The following PKP4 variants were observed in gnomAD, a reference collection of about 807,000 sequenced individuals.
The protein encoded by PKP4 is plakophilin 4, also known as plakophilin-4.
Under a neutral mutation model 145.1 loss-of-function variants are expected in PKP4, and 90 were observed. The ratio of observed to expected loss-of-function variants is 0.62; its 90% CI spans 0.52 to 0.74. The LOEUF (loss-of-function observed/expected upper bound fraction) is 0.74. Ranked by LOEUF, PKP4 falls within the 30% of genes least tolerant of loss-of-function variation. The probability of loss-of-function intolerance (pLI) is 0.00; values close to 1 mark genes in which losing one functional copy is unlikely to be tolerated. For synonymous variants in PKP4, 563 were observed against 577.2 expected (o/e 0.98, Z 0.35); for missense variants, 1,340 against 1,482.7 (o/e 0.90, Z 1.58).
chr2:158,473,587 A>G (rs1691954105), intron 1 of PKP4, among the ~76,000 whole-genome samples: 1 of 152,154 alleles, frequency 6.6e-6, no homozygotes, highest in South Asian at 2.1e-4. Context: ...ATTCTCACTT[A>G]TAAGTGGGAG....
At chr2:158,530,817 G>C (rs2043468992) in intron 1 of PKP4, among the ~76,000 whole-genome samples, 1 of 152,042 alleles carries the variant, frequency 6.6e-6, no homozygotes, top group Admixed American at 6.6e-5. Flanking sequence ...CCTGTGGTGT[G>C]TCCTAACCTT....
chr2:158,544,914 T>C (rs1330252549), intron 2 of PKP4, among the ~76,000 whole-genome samples: 5 of 152,108 alleles, frequency 3.3e-5, no homozygotes, highest in Admixed American at 2.6e-4. Flanking sequence ...AAGTCCCCTG[T>C]CCCACCTAGA....
intron 1 of PKP4, among the ~76,000 whole-genome samples, chr2:158,502,559 T>C (rs1178711846): frequency 6.6e-6 from 1 of 152,214 alleles, no homozygotes; most frequent in Non-Finnish European, 1.5e-5. Context: ...CCTCACCTTC[T>C]TCCCGGTCCC....
At chr2:158,512,688 G>T (rs2041620349) in intron 1 of PKP4, among the ~76,000 whole-genome samples, 1 of 152,076 alleles carries the variant, frequency 6.6e-6, no homozygotes, top group Non-Finnish European at 1.5e-5. Flanking sequence ...TTTTTGAATT[G>T]GAATAATCAG....
At chr2:158,547,062 G>C (rs561925425) in intron 2 of PKP4, among the ~76,000 whole-genome samples, 214 of 152,080 alleles carry the variant, frequency 1.4e-3, no homozygotes, top group Non-Finnish European at 2.5e-3. Flanking sequence ...TACATTTTTG[G>C]GCCATGGGGG....
chr2:158,483,258 A>G (rs963992360), intron 1 of PKP4, among the ~76,000 whole-genome samples: 6 of 151,916 alleles, frequency 3.9e-5, no homozygotes, highest in African/African-American at 1.2e-4. Flanking sequence ...TTCATTGTTA[A>G]TGCATTTTAT....
At chr2:158,552,090 A>C (rs779683969) in intron 2 of PKP4, among the ~76,000 whole-genome samples, 12 of 152,248 alleles carry the variant, frequency 7.9e-5, no homozygotes, top group Non-Finnish European at 1.3e-4. Context: ...AAATGCCATC[A>C]CAAGTATCTG....
At chr2:158,599,695 G>A (rs759460137) in intron 3 of PKP4, among the ~76,000 whole-genome samples, 10 of 152,080 alleles carry the variant, frequency 6.6e-5, no homozygotes, top group Non-Finnish European at 1.2e-4. Context: ...AACTTTTTAG[G>A]AGCTATTGGA....
At chr2:158,527,010 TCC>T (rs2043014508) in intron 1 of PKP4, among the ~76,000 whole-genome samples, 1 of 123,802 alleles carries the variant, frequency 8.1e-6, no homozygotes, top group Non-Finnish European at 1.7e-5. Context: ...GGAAGAACAT[TCC>T]ATGCTCGTGG....
intron 1 of PKP4, among the ~76,000 whole-genome samples, chr2:158,469,751 C>G (rs1691258297): frequency 6.6e-6 from 1 of 152,182 alleles, no homozygotes; most frequent in African/African-American, 2.4e-5. Context: ...CAGTAACATT[C>G]ATTTTTAATA....
intron 1 of PKP4, among the ~76,000 whole-genome samples, chr2:158,501,771 A>G (rs1696616992): frequency 7.4e-6 from 1 of 134,232 alleles, no homozygotes; most frequent in Non-Finnish European, 1.7e-5. Flanking sequence ...GCCTATTTTG[A>G]TTCACTCTTA....
At chr2:158,670,085 G>T (rs1051178522) in intron 17 of PKP4, among the ~76,000 whole-genome samples, 170 bp downstream of exon 17, 6 of 152,230 alleles carry the variant, frequency 3.9e-5, no homozygotes, top group Non-Finnish European at 7.3e-5. Context: ...GCTGGGAGAA[G>T]TGTTTTCTGT....
chr2:158,565,671 A>G (rs2046914752), intron 2 of PKP4, among the ~76,000 whole-genome samples: 1 of 152,214 alleles, frequency 6.6e-6, no homozygotes, highest in Non-Finnish European at 1.5e-5. Flanking sequence ...GCACTTGTGG[A>G]CCCAAAGACT....
intron 2 of PKP4, among the ~76,000 whole-genome samples, chr2:158,558,459 G>A (rs2046271189): frequency 6.6e-6 from 1 of 152,164 alleles, no homozygotes; most frequent in Non-Finnish European, 1.5e-5. Flanking sequence ...AAGGAAGGAT[G>A]AATGTCAAGG....
intron 1 of PKP4, among the ~76,000 whole-genome samples, chr2:158,517,207 A>G (rs1393522351): frequency 6.6e-6 from 1 of 152,236 alleles, no homozygotes; most frequent in Non-Finnish European, 1.5e-5. Flanking sequence ...ATGGTTTACC[A>G]TACCCTAATT....
intron 7 of PKP4, among the ~76,000 whole-genome samples, chr2:158,626,280 A>C (rs536986789): frequency 2.0e-5 from 3 of 152,306 alleles, no homozygotes; most frequent in Admixed American, 2.0e-4. Context: ...TGTGTTTTCT[A>C]TTGATGGAAT....
In PKP4 at chr2:158,680,845, G is replaced by A. The variant is rs1049053049; in HGVS notation, c.*168G>A. The A allele has an allele frequency of 3.9e-5, 24 of 620,396 alleles. No individual in the cohort carries two copies. The allele number at this position is 620,396 out of a possible 1,614,324, so 38.4% of individuals were successfully genotyped here. A position where few individuals can be genotyped will look rare whatever the true frequency, so the allele number is the denominator to read the frequency against. ...GGAATTATCAGGGAAGTGAGGAAAT[G>A]TTTGGGAGAGGACTTTCTAAGCTCT... On this transcript the variant is annotated 3_prime_UTR_variant, in exon 22 of 22. Coordinates refer to ENST00000389759, the MANE Select transcript of PKP4 (RefSeq NM_003628.6).
chr2:158,624,071 A>G (rs978636727), intron 6 of PKP4, among the ~76,000 whole-genome samples: 1 of 152,192 alleles, frequency 6.6e-6, no homozygotes, highest in African/African-American at 2.4e-5. Context: ...CAAGAACCCA[A>G]AAGAGGCTTT....
intron 3 of PKP4, among the ~76,000 whole-genome samples, chr2:158,584,458 G>A (rs2048623564): frequency 6.6e-6 from 1 of 152,172 alleles, no homozygotes. Flanking sequence ...AGTAGGCATT[G>A]TACGATCTGT....
Sources: allele counts gnomAD v4.1 joint callset (sites outside exome capture counted in the v4.1 genomes callset), GRCh38; gene constraint gnomAD v4.1.1; transcripts MANE v1.5; gene names NCBI Gene and HGNC (gene_info 2026-07-23, HGNC 2026-07-21).